CACNB4: variants seen among roughly 807,000 people sequenced by gnomAD.
CACNB4 encodes the protein voltage-dependent L-type calcium channel subunit beta-4.
Under a neutral mutation model 71.2 loss-of-function variants are expected in CACNB4, and 32 were observed. The ratio of observed to expected loss-of-function variants is 0.45; its 90% CI spans 0.34 to 0.60. The LOEUF (loss-of-function observed/expected upper bound fraction) is 0.60. Among genes scored for constraint, CACNB4 ranks in the 20% least tolerant of loss-of-function variants. The pLI, the probability that CACNB4 is intolerant of heterozygous loss-of-function variation, is 0.01. For synonymous variants in CACNB4, 231 were observed against 236.9 expected (o/e 0.97, Z 0.23); for missense variants, 464 against 647.9 (o/e 0.72, Z 3.08).
intron 2 of CACNB4, among the ~76,000 whole-genome samples, chr2:151,978,866 C>T (rs929295724): frequency 2.6e-5 from 4 of 152,118 alleles, no homozygotes; most frequent in African/African-American, 7.2e-5. Flanking sequence ...CAGCTCCTGC[C>T]GGCAGCCTAC....
chr2:151,957,172 G>A (rs2099868472), intron 2 of CACNB4, among the ~76,000 whole-genome samples: 1 of 150,912 alleles, frequency 6.6e-6, no homozygotes, highest in Admixed American at 6.6e-5. Context: ...AAAGAATATA[G>A]GCCTTTTAAT....
chr2:151,857,265 G>A (rs1449586169), intron 10 of CACNB4: 1 of 152,082 alleles, frequency 6.6e-6, no homozygotes, highest in African/African-American at 2.4e-5. Context: ...TAGAATCACT[G>A]AAGTTTAAGG....
In CACNB4 at chr2:151,882,290, G is replaced by C. The variant is rs555811703; in HGVS notation, c.267+961C>G. On this transcript the variant is annotated intron_variant, in intron 3 of 13. Coordinates refer to ENST00000539935, the MANE Select transcript of CACNB4 (RefSeq NM_000726.5). ...TGCAGCCTTTATTTCCTGGGCCTAG[G>C]TGATCCTCCTACCTTAGCTTCCCAA... Among the ~76,000 whole-genome samples the C allele has an allele frequency of 1.4e-3, 212 of 148,094 alleles. 1 individual carries two copies. Among genetic ancestry groups the C allele is most frequent in the Non-Finnish European group, 2.5e-3 (169 of 67,546 alleles).
At chr2:151,852,719 C>T (rs2099839385) in intron 12 of CACNB4, 1 of 152,224 alleles carries the variant, frequency 6.6e-6, no homozygotes, top group Non-Finnish European at 1.5e-5. Flanking sequence ...TTCCATAGAG[C>T]TTAAACAATC....
At chr2:151,935,229 A>G (rs2099862628) in intron 2 of CACNB4, among the ~76,000 whole-genome samples, 1 of 152,260 alleles carries the variant, frequency 6.6e-6, no homozygotes, top group African/African-American at 2.4e-5. Context: ...CTTAAACTGA[A>G]GAGTGACAGG....
At chr2:151,950,367 C>G (rs1578936971) in intron 2 of CACNB4, among the ~76,000 whole-genome samples, 2 of 152,288 alleles carry the variant, frequency 1.3e-5, no homozygotes, top group East Asian at 3.9e-4. Context: ...AGATCTCTAT[C>G]AAAACTAATG....
intron 2 of CACNB4, among the ~76,000 whole-genome samples, chr2:151,974,639 T>C (rs1278433049): frequency 1.3e-5 from 2 of 152,164 alleles, no homozygotes; most frequent in African/African-American, 2.4e-5. Context: ...CCCCTTCCCA[T>C]GCACAAATCT....
chr2:151,840,476 G>C (rs989285801), intron 13 of CACNB4, among the ~76,000 whole-genome samples: 5 of 152,178 alleles, frequency 3.3e-5, no homozygotes, highest in Non-Finnish European at 7.4e-5. Flanking sequence ...GAAGTGTATT[G>C]CTTCATGCAT....
chr2:151,964,274 A>G (rs2099870467), intron 2 of CACNB4, among the ~76,000 whole-genome samples: 2 of 152,212 alleles, frequency 1.3e-5, no homozygotes, highest in African/African-American at 4.8e-5. Flanking sequence ...AAAGCAAGTC[A>G]GAATAATAAT....
chr2:151,903,453 A>AGGC (rs2099853974), intron 2 of CACNB4, among the ~76,000 whole-genome samples: 1 of 152,180 alleles, frequency 6.6e-6, no homozygotes, highest in African/African-American at 2.4e-5. Flanking sequence ...CAAGAGGTGG[A>AGGC]GGCTGCAGTG....
intron 2 of CACNB4, among the ~76,000 whole-genome samples, chr2:152,063,075 G>A (rs1021199876): frequency 1.1e-4 from 16 of 152,164 alleles, no homozygotes; most frequent in African/African-American, 3.9e-4. Context: ...ACCTCTTAGG[G>A]AGAAGGGATT....
At chr2:151,886,014 T>C (rs753098276) in intron 2 of CACNB4, among the ~76,000 whole-genome samples, 4 of 152,194 alleles carry the variant, frequency 2.6e-5, no homozygotes, top group Non-Finnish European at 5.9e-5. Flanking sequence ...GGCCTTGTCA[T>C]GTTGCCCAGG....
At chr2:151,887,514 A>C (rs2099849662) in intron 2 of CACNB4, among the ~76,000 whole-genome samples, 1 of 152,120 alleles carries the variant, frequency 6.6e-6, no homozygotes, top group African/African-American at 2.4e-5. Context: ...CAAAATGCAG[A>C]TAGTAACACT....
chr2:151,997,692 C>A (rs1198128879), intron 2 of CACNB4, among the ~76,000 whole-genome samples: 1 of 152,160 alleles, frequency 6.6e-6, no homozygotes, highest in African/African-American at 2.4e-5. Context: ...AATTCTCCCC[C>A]AGAGCCTTCC....
intron 2 of CACNB4, among the ~76,000 whole-genome samples, chr2:152,075,538 G>T (rs1686962658): frequency 6.6e-6 from 1 of 152,208 alleles, no homozygotes. Flanking sequence ...GAGCATTCCA[G>T]GTGGAGACCA....
chr2:151,875,967 G>C (rs1290898418), intron 5 of CACNB4, among the ~76,000 whole-genome samples: 1 of 130,102 alleles, frequency 7.7e-6, no homozygotes, highest in African/African-American at 2.9e-5. Context: ...CTGGCCGGGC[G>C]GGGGGCTGAC....
intron 6 of CACNB4, chr2:151,872,122 G>A (rs964257809): frequency 1.7e-4 from 49 of 292,638 alleles, no homozygotes; most frequent in African/African-American, 9.9e-4. Context: ...AACTCTGTCC[G>A]TTCCTTAGGT....
At chr2:152,058,810 T>C (rs972203185) in intron 2 of CACNB4, among the ~76,000 whole-genome samples, 5 of 152,242 alleles carry the variant, frequency 3.3e-5, no homozygotes, top group Non-Finnish European at 7.3e-5. Flanking sequence ...ACCTTCACAG[T>C]GGCCCCTCCC....
intron 2 of CACNB4, among the ~76,000 whole-genome samples, chr2:151,975,754 T>C (rs1417403952): frequency 6.6e-6 from 1 of 152,234 alleles, no homozygotes; most frequent in Non-Finnish European, 1.5e-5. Context: ...AGCCATACGG[T>C]ATTTCAACCA....
Sources: allele counts gnomAD v4.1 joint callset (sites outside exome capture counted in the v4.1 genomes callset), GRCh38; gene constraint gnomAD v4.1.1; transcripts MANE v1.5; gene names NCBI Gene and HGNC (gene_info 2026-07-23, HGNC 2026-07-21).